The following NF1 variants were observed in gnomAD, a reference collection of about 807,000 sequenced individuals.
The protein encoded by NF1 is neurofibromin.
NF1 carries 122 observed loss-of-function variants against 325.7 expected under a neutral mutation model. The observed-to-expected ratio is 0.37, with a 90% CI of 0.32 to 0.44. NF1 has a LOEUF of 0.44. Among genes scored for constraint, NF1 ranks in the 20% least tolerant of loss-of-function variants. The pLI is 1.00. For missense variants in NF1, 2,140 were observed against 3,415.4 expected (o/e 0.63, Z 9.31); for synonymous variants, 1,091 against 1,186.0 (o/e 0.92, Z 1.65).
chr17:31,233,359 G>C (rs1252601136), intron 27 of NF1, 146 bp downstream of exon 27: 2 of 835,498 alleles, frequency 2.4e-6, no homozygotes, highest in Admixed American at 4.0e-5. Context: ...TTTTTCAGCT[G>C]TAGGGAAGTG....
Position 31,337,411 on chromosome 17 carries a change from A to G in NF1, c.6471A>G (p.Ser2157=), listed in dbSNP as rs2151556082. Residue 2157 remains serine, a synonymous_variant, in exon 43 of 58, where the codon TCA becomes TCG. Transcript: ENST00000358273. The stretch of plus-strand genomic sequence containing the variant: ...TGAGACTCAGTCTGACAGAGTTCTC[A>G]TTACCCAAATTTTACTTGCTGTTTG... ...QVLRLSLTEF[S]LPKFYLLFGI... is the part of the protein sequence containing the mutation. 2 of 1,614,172 alleles carry G rather than the reference A, an allele frequency of 1.2e-6. No homozygotes were observed. The highest frequency in any genetic ancestry group is 1.7e-6 in the Non-Finnish European group (2 of 1,180,002).
At chr17:31,305,506 G>A (rs755399921) in intron 36 of NF1, 4 of 1,614,202 alleles carry the variant, frequency 2.5e-6, no homozygotes, top group Non-Finnish European at 3.4e-6. Context: ...TGTGAATAAG[G>A]TAGGCTGTGA....
intron 36 of NF1, among the ~76,000 whole-genome samples, chr17:31,288,522 G>GTTTTTTTTTTTT (rs200926157): frequency 2.5e-5 from 3 of 119,662 alleles, no homozygotes; most frequent in African/African-American, 2.7e-5. Context: ...TTTTTGCTTT[G>GTTTTTTTTTTTT]TTTTTTTTTT....
intron 15 of NF1, chr17:31,222,339 C>T (rs1204847197): frequency 1.4e-5 from 15 of 1,037,674 alleles, no homozygotes; most frequent in Middle Eastern, 4.4e-4. Context: ...CCAATGCTTT[C>T]GATGAATGAA....
intron 5 of NF1, among the ~76,000 whole-genome samples, chr17:31,173,142 C>T (rs566512768): frequency 9.2e-5 from 14 of 152,160 alleles, no homozygotes; most frequent in African/African-American, 2.9e-4. Context: ...ATGGGCTGGG[C>T]GCGGTGGCTC....
chr17:31,191,520 G>T (rs1039158455), intron 8 of NF1, among the ~76,000 whole-genome samples: 1 of 152,136 alleles, frequency 6.6e-6, no homozygotes, highest in East Asian at 1.9e-4. Flanking sequence ...AGAAGCCAGG[G>T]TCAAGAGATG....
chr17:31,183,816 T>C (rs569865416), intron 8 of NF1, among the ~76,000 whole-genome samples: 3 of 152,282 alleles, frequency 2.0e-5, no homozygotes, highest in Non-Finnish European at 4.4e-5. Flanking sequence ...CCTCCCAGCC[T>C]ACATCTTTCT....
At chr17:31,163,443 A>C in intron 4 of NF1, 67 bp downstream of exon 4, 1 of 1,530,398 alleles carries the variant, frequency 6.5e-7, no homozygotes, top group Non-Finnish European at 9.0e-7. Flanking sequence ...TTTTTTGTCT[A>C]CATAAAAATA....
intron 15 of NF1, 119 bp from the exon 16 acceptor site, chr17:31,223,325 A>G: frequency 8.1e-7 from 1 of 1,235,176 alleles, no homozygotes; most frequent in Non-Finnish European, 1.2e-6. Context: ...AAACCTTACA[A>G]GAAAAACTAA....
chr17:31,153,672 G>A (rs1416236690), intron 1 of NF1, among the ~76,000 whole-genome samples: 1 of 152,148 alleles, frequency 6.6e-6, no homozygotes, highest in African/African-American at 2.4e-5. Flanking sequence ...TGCCCAGGCT[G>A]GAGTGCAGTG....
intron 51 of NF1, chr17:31,356,164 T>C: frequency 3.1e-6 from 1 of 325,108 alleles, no homozygotes; most frequent in Non-Finnish European, 5.9e-6. Flanking sequence ...TCAGTTATCA[T>C]ATTTGTTGAT....
chr17:31,137,704 C>G (rs1306649364), intron 1 of NF1: 1 of 151,618 alleles, frequency 6.6e-6, no homozygotes, highest in Non-Finnish European at 1.5e-5. Context: ...AACACACCTT[C>G]CACTAGCTTG....
In NF1 at chr17:31,170,032, C is replaced by A; in HGVS notation, c.586+35C>A. On this transcript the variant is annotated intron_variant, in intron 5 of 57. Coordinates refer to ENST00000358273, the MANE Select transcript of NF1 (RefSeq NM_001042492.3). Reference sequence around the variant, plus strand: ...AATGTATAATATATCTGAAAAAAATCACTGGGTCAAAAACTAGTATCATGA... The same window carrying A: ...AATGTATAATATATCTGAAAAAAATAACTGGGTCAAAAACTAGTATCATGA... 2.9e-6 allele frequency: 4 copies of A among 1,392,836 alleles called. No homozygotes were observed. The South Asian group carries it at 3.5e-5, about 12-fold the overall frequency. 86.3% of individuals were successfully genotyped at this position (1,392,836 alleles called of 1,614,324 possible).
At chr17:31,156,591 T>C (rs1365580364) in intron 2 of NF1, among the ~76,000 whole-genome samples, 1 of 152,244 alleles carries the variant, frequency 6.6e-6, no homozygotes, top group Non-Finnish European at 1.5e-5. Context: ...TTGATTTTTT[T>C]ATGAAGATAT....
Position 31,358,550 on chromosome 17 carries a change from A to G in NF1, c.8041A>G (p.Ile2681Val), listed in dbSNP as rs146315101. Residue 2681 changes from isoleucine to valine, a missense_variant, in exon 55 of 58, where the codon ATC (isoleucine) becomes GTC (valine). Physicochemically the swap from Ile to Val is conservative, Grantham distance 29. Around this residue, in one of 10 missense-constraint regions of NF1, gnomAD observed 522 missense variants for 749.0 expected, o/e 0.70. Transcript: ENST00000358273. The part of the protein sequence containing the change: ...LCQDPNLLNP[I>V]HGIVQSVVYH... Reference sequence around the variant, plus strand: ...CCAAGATCCAAATTTGTTAAATCCAATCCATGGAATTGTGCAGAGTGTGGT... The same window carrying G: ...CCAAGATCCAAATTTGTTAAATCCAGTCCATGGAATTGTGCAGAGTGTGGT... 2.1e-4 allele frequency: 342 copies of G among 1,613,828 alleles called. 3 individuals carry two copies. Among genetic ancestry groups the G allele is most frequent in the Middle Eastern group, 9.9e-4 (6 of 6,082 alleles).
intron 36 of NF1, among the ~76,000 whole-genome samples, chr17:31,293,178 CAAAAAAAAAAAAAAAA>C (rs71142044): frequency 3.9e-4 from 25 of 64,884 alleles, no homozygotes; most frequent in Non-Finnish European, 5.5e-4. Flanking sequence ...GACTTCGTCT[CAAAAAAAAAAAAAAAA>C]AAAAAAAAAA....
intron 1 of NF1, among the ~76,000 whole-genome samples, chr17:31,107,040 A>C (rs967506340): frequency 5.3e-5 from 8 of 152,054 alleles, no homozygotes; most frequent in Non-Finnish European, 1.0e-4. Context: ...GGTTTTTTTA[A>C]TTGTTACATC....
intron 36 of NF1, chr17:31,321,964 A>C (rs1384150380): frequency 6.6e-6 from 1 of 152,188 alleles, no homozygotes. Context: ...TGAAAATGTG[A>C]GTTTGGAGTC....
At chr17:31,162,579 A>G (rs1460998398) in intron 3 of NF1, among the ~76,000 whole-genome samples, 1 of 152,248 alleles carries the variant, frequency 6.6e-6, no homozygotes, top group Non-Finnish European at 1.5e-5. Flanking sequence ...AGATGATACA[A>G]GGGAATTGTT....
Sources: gnomAD v4.1 joint callset for allele counts (sites outside exome capture counted in the v4.1 genomes callset) on GRCh38, gnomAD v4.1.1 for gene constraint, gnomAD v4.1.1 regional missense constraint, MANE v1.5 for transcripts, NCBI Gene and HGNC (gene_info 2026-07-23, HGNC 2026-07-21) for gene names.